VAT1L: variants seen among roughly 807,000 people sequenced by gnomAD.
VAT1L encodes vesicle amine transport 1 like.
A neutral mutation model predicts 44.1 loss-of-function variants in VAT1L; 34 were observed. That is an observed-to-expected ratio of 0.77 (90% confidence interval 0.59 to 1.03). VAT1L has a LOEUF of 1.03. Ranked by LOEUF, VAT1L falls within the 50% of genes least tolerant of loss-of-function variation. The probability of loss-of-function intolerance (pLI) is 0.00; values close to 1 mark genes in which losing one functional copy is unlikely to be tolerated. For synonymous variants in VAT1L, 253 were observed against 202.2 expected (o/e 1.25, Z -2.13); for missense variants, 615 against 538.8 (o/e 1.14, Z -1.40).
At chr16:77,852,635 A>T (rs575556399) in intron 3 of VAT1L, among the ~76,000 whole-genome samples, 1 of 152,114 alleles carries the variant, frequency 6.6e-6, no homozygotes, top group Non-Finnish European at 1.5e-5. Flanking sequence ...TGGCAATATG[A>T]TGTTGGGTGG....
chr16:77,951,840 TAAA>T (rs11415182), intron 7 of VAT1L, among the ~76,000 whole-genome samples: 8,862 of 146,088 alleles, frequency 0.061, 369 homozygotes, highest in Middle Eastern at 0.13. Context: ...AGTTTAAAAT[TAAA>T]AAAAAAAAAA....
intron 1 of VAT1L, among the ~76,000 whole-genome samples, chr16:77,804,645 T>G (rs2016123177): frequency 1.3e-5 from 2 of 152,200 alleles, no homozygotes; most frequent in African/African-American, 4.8e-5. Context: ...CTGGCCATCA[T>G]GATGAGTTTG....
intron 7 of VAT1L, among the ~76,000 whole-genome samples, chr16:77,909,019 C>T (rs144657872): frequency 4.9e-4 from 74 of 152,258 alleles, no homozygotes; most frequent in Non-Finnish European, 8.1e-4. Flanking sequence ...CAATAACATA[C>T]AGCAATGATG....
rs2017963568 is a variant in VAT1L, at chr16:77,946,279, C to CTTTGTTT, written c.1078-25568_1078-25567insGTTTTTT. Among the ~76,000 whole-genome samples the CTTTGTTT allele has an allele frequency of 2.8e-5, 2 of 70,428 alleles. 1 individual carries two copies. The highest frequency in any genetic ancestry group is 1.1e-4 in the African/African-American group (2 of 18,904). The allele number at this position is 70,428 out of a possible 152,430, so 46.2% of individuals were successfully genotyped here. ...GTTCTGGACATCTAGGTTACTTGTT[C>CTTTGTTT]TTTTTTTTTTTTTTTTTTTTTTGAG... On this transcript the variant is annotated intron_variant, in intron 7 of 8. Coordinates refer to ENST00000302536, the MANE Select transcript of VAT1L (RefSeq NM_020927.3).
chr16:77,856,342 G>A (rs992084763), intron 3 of VAT1L, among the ~76,000 whole-genome samples: 1 of 152,134 alleles, frequency 6.6e-6, no homozygotes, highest in Non-Finnish European at 1.5e-5. Flanking sequence ...TTGAGTTTCT[G>A]ATGCTAAATC....
intron 4 of VAT1L, among the ~76,000 whole-genome samples, chr16:77,872,537 T>A (rs909909752): frequency 6.6e-6 from 1 of 152,096 alleles, no homozygotes. Context: ...CAAGAGTCCG[T>A]GTGGTCCAAC....
At chr16:77,854,571 C>A (rs1035943706) in intron 3 of VAT1L, among the ~76,000 whole-genome samples, 3 of 152,186 alleles carry the variant, frequency 2.0e-5, no homozygotes, top group Non-Finnish European at 4.4e-5. Context: ...GTAAGTATGG[C>A]TCATGCATCC....
intron 7 of VAT1L, among the ~76,000 whole-genome samples, chr16:77,937,084 T>C (rs1030577489): frequency 2.6e-5 from 4 of 152,132 alleles, no homozygotes; most frequent in African/African-American, 9.7e-5. Context: ...GGGTTCACCA[T>C]GTTGGTCAGG....
intron 3 of VAT1L, among the ~76,000 whole-genome samples, chr16:77,855,340 A>AG (rs1277768315): frequency 6.8e-6 from 1 of 147,382 alleles, no homozygotes; most frequent in African/African-American, 2.6e-5. Flanking sequence ...ACTCCATCTC[A>AG]GAAAAAAAAA....
intron 1 of VAT1L, 72 bp downstream of exon 1, chr16:77,788,987 G>A (rs2015782515): frequency 2.1e-6 from 3 of 1,420,096 alleles, no homozygotes; most frequent in Admixed American, 5.7e-5. Flanking sequence ...TGGGAAAGCT[G>A]CGGCTGGGAT....
chr16:77,928,395 A>G (rs2017692512), intron 7 of VAT1L, among the ~76,000 whole-genome samples: 1 of 152,206 alleles, frequency 6.6e-6, no homozygotes, highest in Admixed American at 6.5e-5. Flanking sequence ...TTATTCCATC[A>G]TGGTTGGGGG....
chr16:77,850,541 G>T (rs2016798637), intron 3 of VAT1L, among the ~76,000 whole-genome samples: 1 of 152,072 alleles, frequency 6.6e-6, no homozygotes, highest in Non-Finnish European at 1.5e-5. Flanking sequence ...TGATCAAGGG[G>T]AATTAATAAT....
At chr16:77,825,565 A>T (rs1020119008) in intron 3 of VAT1L, 104 bp downstream of exon 3, 2 of 1,293,574 alleles carry the variant, frequency 1.5e-6, no homozygotes, top group African/African-American at 2.9e-5. Context: ...AGCAGGAATC[A>T]TCACTATGGT....
At chr16:77,916,179 C>A (rs922756724) in intron 7 of VAT1L, among the ~76,000 whole-genome samples, 2 of 152,192 alleles carry the variant, frequency 1.3e-5, no homozygotes, top group Non-Finnish European at 2.9e-5. Context: ...AGGGAAATCA[C>A]AACCTCTGCT....
At chr16:77,937,161 G>A (rs770326589) in intron 7 of VAT1L, among the ~76,000 whole-genome samples, 13 of 152,132 alleles carry the variant, frequency 8.5e-5, no homozygotes, top group Non-Finnish European at 1.8e-4. Context: ...GATTACAGGC[G>A]TGAGCCACCG....
intron 7 of VAT1L, among the ~76,000 whole-genome samples, chr16:77,941,676 C>G (rs1045601030): frequency 6.6e-6 from 1 of 152,080 alleles, no homozygotes. Context: ...ACCTCCAGCT[C>G]CCGGGTTTAA....
intron 7 of VAT1L, among the ~76,000 whole-genome samples, chr16:77,962,022 A>G (rs368446283): frequency 6.6e-6 from 1 of 152,006 alleles, no homozygotes; most frequent in Non-Finnish European, 1.5e-5. Context: ...GTCAGCTGTG[A>G]GTCATCTCTA....
chr16:77,924,764 A>T (rs2017648164), intron 7 of VAT1L, among the ~76,000 whole-genome samples: 1 of 151,654 alleles, frequency 6.6e-6, no homozygotes, highest in African/African-American at 2.4e-5. Flanking sequence ...TGGCCCATTT[A>T]CCCTTATTTT....
intron 1 of VAT1L, among the ~76,000 whole-genome samples, chr16:77,797,114 A>ACC (rs1453622105): frequency 4.1e-5 from 6 of 145,504 alleles, no homozygotes; most frequent in African/African-American, 1.6e-4. Flanking sequence ...GTACCCTTAA[A>ACC]TCTTTTTTTT....
Sources: gnomAD v4.1 joint callset for allele counts (sites outside exome capture counted in the v4.1 genomes callset) on GRCh38, gnomAD v4.1.1 for gene constraint, MANE v1.5 for transcripts, NCBI Gene and HGNC (gene_info 2026-07-23, HGNC 2026-07-21) for gene names.